The following ELP2 variants were observed in gnomAD, a reference collection of about 807,000 sequenced individuals.
ELP2 encodes elongator acetyltransferase complex subunit 2, also known as elongator complex protein 2.
ELP2 carries 90 observed loss-of-function variants against 119.2 expected under a neutral mutation model. The ratio of observed to expected loss-of-function variants is 0.75; its 90% confidence interval spans 0.64 to 0.90. ELP2 has a LOEUF of 0.90. Among genes scored for constraint, ELP2 ranks in the 40% least tolerant of loss-of-function variants. The pLI, the probability that ELP2 is intolerant of heterozygous loss-of-function variation, is 0.00. For synonymous variants in ELP2, 339 were observed against 331.0 expected (o/e 1.02, Z -0.26); for missense variants, 921 against 967.8 (o/e 0.95, Z 0.64).
In ELP2 at chr18:36,142,309, A is replaced by G. The variant is rs773432002; in HGVS notation, c.617A>G (p.His206Arg). Residue 206 changes from histidine (H) to arginine (R), a missense_variant, in exon 7 of 22, where the codon CAT becomes CGT. Coordinates refer to ENST00000358232, the MANE Select transcript of ELP2 (RefSeq NM_018255.4). Reference sequence around the variant, plus strand: ...CAGAAAGTGCTTTCTCTCTGTGGACATGAGGATTGGATTAGAGGAGTGGAA... The same window carrying G: ...CAGAAAGTGCTTTCTCTCTGTGGACGTGAGGATTGGATTAGAGGAGTGGAA... ...QFQKVLSLCG[H>R]EDWIRGVEWA... 2.5e-6 allele frequency: 4 copies of G among 1,613,910 alleles called. No homozygotes were observed. Among genetic ancestry groups the G allele is most frequent in the Non-Finnish European group, 3.4e-6 (4 of 1,179,956 alleles).
At chr18:36,145,117 T>C in intron 9 of ELP2, 83 bp downstream of exon 9, 1 of 1,045,204 alleles carries the variant, frequency 9.6e-7, no homozygotes, top group South Asian at 1.3e-5. Flanking sequence ...TGGAGAATTT[T>C]TTTACTGTGA....
chr18:36,137,545 G>A (rs1343634990), intron 3 of ELP2, among the ~76,000 whole-genome samples: 1 of 152,056 alleles, frequency 6.6e-6, no homozygotes, highest in Non-Finnish European at 1.5e-5. Flanking sequence ...AAAAGAAGTG[G>A]TGGAATGTCA....
chr18:36,172,972 T>G (rs1331256117), intron 21 of ELP2, among the ~76,000 whole-genome samples: 1 of 152,286 alleles, frequency 6.6e-6, no homozygotes, highest in East Asian at 1.9e-4. Flanking sequence ...GTAATAAGAT[T>G]TACAGAGGTA....
At chr18:36,159,678 C>A in intron 14 of ELP2, 57 bp from the exon 15 acceptor site, 2 of 1,305,260 alleles carry the variant, frequency 1.5e-6, no homozygotes, top group Non-Finnish European at 2.2e-6. Context: ...AATATTGAGA[C>A]AAGTGAAGGA....
At chr18:36,136,541 C>A in intron 3 of ELP2, 164 bp downstream of exon 3, 1 of 655,654 alleles carries the variant, frequency 1.5e-6, no homozygotes, top group Non-Finnish European at 2.8e-6. Context: ...CCATGCCTGG[C>A]TGATTTCTGT....
At position 36,142,918 on chromosome 18, in the gene ELP2, G is replaced by A. The variant is rs1442311577; in HGVS notation, c.748G>A (p.Asp250Asn). 1 of 1,597,266 alleles carries A rather than the reference G, an allele frequency of 6.3e-7. No homozygotes were observed. The highest frequency in any genetic ancestry group is 1.3e-5 in the African/African-American group (1 of 74,384). Residue 250 changes from aspartate (D) to asparagine (N), a missense_variant, in exon 8 of 22, where the codon GAC becomes AAC. Asp to Asn is a conservative substitution (Grantham distance 23). Transcript: ENST00000358232. ...IKSTSLETQDDDNIRLKENTF... is the reference protein window; with the variant it reads ...IKSTSLETQDNDNIRLKENTF... ...GTCAACATCTTTAGAAACTCAGGAT[G>A]ACGATAACATAAGACTGAAAGAAAA...
intron 11 of ELP2, among the ~76,000 whole-genome samples, chr18:36,153,992 T>C (rs1461931544): frequency 6.6e-6 from 1 of 152,110 alleles, no homozygotes; most frequent in Non-Finnish European, 1.5e-5. Flanking sequence ...CTCAAAACTT[T>C]TTGTAAACTC....
intron 11 of ELP2, among the ~76,000 whole-genome samples, chr18:36,146,933 C>G (rs1309507269): frequency 6.6e-6 from 1 of 152,080 alleles, no homozygotes; most frequent in Admixed American, 6.5e-5. Flanking sequence ...TAATCTGCTT[C>G]TAGCTTGGGA....
intron 12 of ELP2, among the ~76,000 whole-genome samples, chr18:36,155,261 C>CCCA: frequency 4.5e-5 from 2 of 44,378 alleles, no homozygotes; most frequent in Non-Finnish European, 1.0e-4. Flanking sequence ...GATGCACCGC[C>CCCA]CCTCCCCCCC....
intron 12 of ELP2, 39 bp downstream of exon 12, chr18:36,155,038 C>T: frequency 2.0e-6 from 3 of 1,535,018 alleles, no homozygotes; most frequent in East Asian, 2.3e-5. Context: ...TTTCTTGGGA[C>T]AGAGTTTCAC....
At chr18:36,172,290 G>C (rs57494619) in intron 21 of ELP2, among the ~76,000 whole-genome samples, 1 of 151,970 alleles carries the variant, frequency 6.6e-6, no homozygotes, top group Admixed American at 6.6e-5. Flanking sequence ...CGTTCAGAAA[G>C]CTACTAATAT....
rs1332440629 is a variant in ELP2, at chr18:36,154,927, A to G, written c.1203A>G (p.Glu401=). 6.2e-7 allele frequency: 1 copy of G among 1,614,062 alleles called. No homozygotes were observed. The highest frequency in any genetic ancestry group is 2.2e-5 in the East Asian group (1 of 44,874). Residue 401 remains glutamate, a synonymous_variant, in exon 12 of 22, where the codon GAA becomes GAG. Transcript: ENST00000358232. ...ACCTAGTCTGGGATCCAGAAGGAGA[A>G]TTTATTATCACTGTTGGTACTGATC... ...VQDLVWDPEG[E]FIITVGTDQT...
rs532181528 is a variant in ELP2, at chr18:36,134,332, G to GC, written c.217+1017dup. Reference sequence around the variant, plus strand: ...TGTCATGAATGTACAGTGTTTTCCAGCAGCCACATGATGTATGATACTGCA... The same window carrying GC: ...TGTCATGAATGTACAGTGTTTTCCAGCCAGCCACATGATGTATGATACTGCA... On this transcript the variant is annotated intron_variant, in intron 2 of 21. Coordinates refer to ENST00000358232, the MANE Select transcript of ELP2 (RefSeq NM_018255.4). Among the ~76,000 whole-genome samples the GC allele has an allele frequency of 2.7e-4, 41 of 152,268 alleles. No homozygotes were observed. The South Asian group carries it at 8.1e-3, about 30-fold the overall frequency.
At position 36,161,009 on chromosome 18, in the gene ELP2, G is replaced by A. The variant is rs749517563; in HGVS notation, c.1761+5G>A. 39 of 1,611,050 alleles carry A rather than the reference G, an allele frequency of 2.4e-5. No individual in the cohort carries two copies. Among genetic ancestry groups the A allele is most frequent in the Non-Finnish European group, 3.2e-5 (38 of 1,177,412 alleles). On this transcript the variant is annotated splice_donor_5th_base_variant and intron_variant, in intron 17 of 21. Coordinates refer to ENST00000358232, the MANE Select transcript of ELP2 (RefSeq NM_018255.4). ...CTGCTTGCCTCAGCTTGTAAGGTAG[G>A]GAAGTTTACTTTTGATTCTGCTTGG...
At chr18:36,145,883 T>C in intron 9 of ELP2, 65 bp from the exon 10 acceptor site, 1 of 1,381,826 alleles carries the variant, frequency 7.2e-7, no homozygotes, top group South Asian at 1.2e-5. Context: ...TTTGTTGTTT[T>C]TTTCTGGTCA....
At chr18:36,138,081 G>C (rs769891374) in intron 3 of ELP2, 189 bp from the exon 4 acceptor site, 43 of 581,346 alleles carry the variant, frequency 7.4e-5, no homozygotes, top group Non-Finnish European at 1.2e-4. Context: ...CTAGATATGA[G>C]ATTGCTGTGT....
intron 17 of ELP2, 126 bp downstream of exon 17, chr18:36,161,130 T>A: frequency 1.4e-6 from 1 of 730,724 alleles, no homozygotes; most frequent in Non-Finnish European, 2.5e-6. Flanking sequence ...TTTTTGAATC[T>A]TACTTTCTCA....
At chr18:36,141,894 T>C (rs955934219) in intron 6 of ELP2, among the ~76,000 whole-genome samples, 1 of 152,128 alleles carries the variant, frequency 6.6e-6, no homozygotes, top group African/African-American at 2.4e-5. Flanking sequence ...TCTCACTTTA[T>C]TGCCCCGGCT....
At chr18:36,130,483 T>G (rs912330748) in intron 1 of ELP2, among the ~76,000 whole-genome samples, 2 of 152,236 alleles carry the variant, frequency 1.3e-5, no homozygotes, top group Non-Finnish European at 2.9e-5. Context: ...CAGTTTTGGT[T>G]AATGAACTTT....
Sources: gnomAD v4.1 joint callset for allele counts (sites outside exome capture counted in the v4.1 genomes callset) on GRCh38, gnomAD v4.1.1 for gene constraint, MANE v1.5 for transcripts, NCBI Gene and HGNC (gene_info 2026-07-23, HGNC 2026-07-21) for gene names.